Variants in SPATA7 observed in about 807,000 individuals in gnomAD.
SPATA7 encodes spermatogenesis-associated protein 7.
A neutral mutation model predicts 51.8 loss-of-function variants in SPATA7; 43 were observed. The observed-to-expected ratio is 0.83, with a 90% confidence interval of 0.65 to 1.07. SPATA7 has a LOEUF of 1.07. SPATA7 is among the 50% of genes least tolerant of loss of function. The pLI, the probability that SPATA7 is intolerant of heterozygous loss-of-function variation, is 0.00. For missense variants in SPATA7, 683 were observed against 701.3 expected (o/e 0.97, Z 0.30); for synonymous variants, 230 against 252.8 (o/e 0.91, Z 0.86).
At chr14:88,449,250 T>G (rs146945858) in intron 3 of SPATA7, among the ~76,000 whole-genome samples, 64 of 152,292 alleles carry the variant, frequency 4.2e-4, no homozygotes, top group African/African-American at 1.5e-3. Flanking sequence ...TTCCAGAGGT[T>G]CAGATATTTT....
downstream of SPATA7, among the ~76,000 whole-genome samples, chr14:88,455,756 T>G (rs1190287707): frequency 1.3e-5 from 2 of 152,188 alleles, no homozygotes; most frequent in Non-Finnish European, 2.9e-5. Context: ...CTTTAAGTTT[T>G]AGGGTACATG....
At chr14:88,434,472 G>C (rs2077022711) in intron 10 of SPATA7, among the ~76,000 whole-genome samples, 1 of 152,082 alleles carries the variant, frequency 6.6e-6, no homozygotes, top group Non-Finnish European at 1.5e-5. Flanking sequence ...GGATCACAAG[G>C]TCAGGAGTTC....
At chr14:88,462,516 G>A (rs915766285) in intron 4 of SPATA7, among the ~76,000 whole-genome samples, 7 of 152,302 alleles carry the variant, frequency 4.6e-5, no homozygotes, top group South Asian at 2.1e-4. Context: ...AGTTACACAC[G>A]CACACTTAAA....
At chr14:88,385,997 A>G in intron 1 of SPATA7, 160 bp downstream of exon 1, 2 of 1,495,384 alleles carry the variant, frequency 1.3e-6, no homozygotes, top group Non-Finnish European at 1.8e-6. Flanking sequence ...GGCCTGCGCA[A>G]AGGAAGAGGG....
intron 5 of SPATA7, among the ~76,000 whole-genome samples, chr14:88,424,145 T>C (rs1413115248): frequency 6.6e-6 from 1 of 152,334 alleles, no homozygotes; most frequent in East Asian, 1.9e-4. Context: ...TGAACCCTTT[T>C]CTGATTTCAG....
intron 3 of SPATA7, chr14:88,393,709 G>C (rs73319901): frequency 2.6e-6 from 1 of 377,920 alleles, no homozygotes; most frequent in East Asian, 4.7e-5. Context: ...ATTTTATTTC[G>C]TTTTTTATCT....
At chr14:88,401,128 A>G (rs1047139110) in intron 4 of SPATA7, among the ~76,000 whole-genome samples, 1 of 152,236 alleles carries the variant, frequency 6.6e-6, no homozygotes, top group African/African-American at 2.4e-5. Context: ...ATTCAATTGC[A>G]TGTTAAAAGA....
downstream of SPATA7, among the ~76,000 whole-genome samples, chr14:88,457,826 C>T (rs2077294159): frequency 6.6e-6 from 1 of 152,118 alleles, no homozygotes; most frequent in South Asian, 2.1e-4. Context: ...GGAATGCTTC[C>T]AGGTTTTGCC....
At chr14:88,451,001 C>A (rs374485215) in intron 3 of SPATA7, among the ~76,000 whole-genome samples, 21 of 152,204 alleles carry the variant, frequency 1.4e-4, no homozygotes, top group African/African-American at 4.8e-4. Context: ...TTAAAAAATT[C>A]TTTCTTCTTT....
chr14:88,403,579 C>T (rs1017262086), intron 4 of SPATA7, among the ~76,000 whole-genome samples: 1 of 152,180 alleles, frequency 6.6e-6, no homozygotes, highest in Non-Finnish European at 1.5e-5. Flanking sequence ...TCATTTCTGT[C>T]ATTTGTGACA....
rs1279551695 is a variant in SPATA7, at chr14:88,438,145, A to T, written c.1523A>T (p.Gln508Leu). ...CATTCAGAAGGGGTTATAATTCAAC[A>T]GGTGAATGATGAAACAAATCTTGAA... ...SKHSEGVIIQ[Q>L]VNDETNLETS... Residue 508 changes from glutamine (Q) to leucine (L), a missense_variant, in exon 12 of 12, where the codon CAG becomes CTG. Coordinates refer to ENST00000393545, the MANE Select transcript of SPATA7 (RefSeq NM_018418.5). 1 of 1,613,654 alleles carries T rather than the reference A, an allele frequency of 6.2e-7. No homozygotes were observed. The highest frequency in any genetic ancestry group is 1.1e-5 in the South Asian group (1 of 90,974).
chr14:88,414,574 A>G (rs2076424725), intron 4 of SPATA7: 2 of 281,566 alleles, frequency 7.1e-6, no homozygotes, highest in Non-Finnish European at 1.4e-5. Context: ...CTTTTAGATA[A>G]TTATTTTCTA....
rs1417877692 is a variant in SPATA7, at chr14:88,385,705, G to A, written c.-114G>A. ...GCCTGGCAACGGTTTCCCTGCTGCTGCAGCCCCCGTCGGCTCCTCTTTTCC... is the reference window on the plus strand; with the variant it reads ...GCCTGGCAACGGTTTCCCTGCTGCTACAGCCCCCGTCGGCTCCTCTTTTCC... On this transcript the variant is annotated 5_prime_UTR_variant, in exon 1 of 12. Transcript: ENST00000393545. The A allele has an allele frequency of 2.9e-6, 3 of 1,034,984 alleles. No homozygotes were observed. The highest frequency in any genetic ancestry group is 2.6e-5 in the East Asian group (1 of 39,058). 64.1% of individuals were successfully genotyped at this position (1,034,984 alleles called of 1,614,324 possible).
chr14:88,470,146 A>G, exon 5 of SPATA7: 1 of 1,092,224 alleles, frequency 9.2e-7, no homozygotes, highest in Admixed American at 2.5e-5. Flanking sequence ...AGTTTTTTTA[A>G]AAAAGTAAAA....
chr14:88,390,511 G>A (rs1277606179), intron 1 of SPATA7, among the ~76,000 whole-genome samples: 1 of 152,140 alleles, frequency 6.6e-6, no homozygotes, highest in Non-Finnish European at 1.5e-5. Context: ...AATAGTTCCT[G>A]TCAAAGGCCC....
chr14:88,431,373 G>A (rs951131380), intron 9 of SPATA7, 148 bp downstream of exon 9: 25 of 764,674 alleles, frequency 3.3e-5, no homozygotes, highest in Middle Eastern at 3.2e-4. Context: ...AGTACCTAGT[G>A]ATATTTTGAT....
downstream of SPATA7, chr14:88,438,463 T>C (rs1566791753): frequency 7.1e-7 from 1 of 1,410,064 alleles, no homozygotes; most frequent in South Asian, 1.2e-5. Flanking sequence ...TAACTCAATA[T>C]TACTTTTCTT....
chr14:88,398,444 A>C (rs1433980146), intron 4 of SPATA7, among the ~76,000 whole-genome samples: 2 of 135,050 alleles, frequency 1.5e-5, no homozygotes, highest in Non-Finnish European at 3.1e-5. Context: ...TCACATGGAC[A>C]CAGGAAGGGG....
intron 7 of SPATA7, chr14:88,429,145 C>T (rs1289520833): frequency 8.3e-6 from 3 of 359,302 alleles, no homozygotes; most frequent in African/African-American, 6.3e-5. Flanking sequence ...CATTAAAATA[C>T]AAGAAATAAG....
Sources: gnomAD v4.1 joint callset for allele counts (sites outside exome capture counted in the v4.1 genomes callset) on GRCh38, gnomAD v4.1.1 for gene constraint, MANE v1.5 for transcripts, NCBI Gene and HGNC (gene_info 2026-07-23, HGNC 2026-07-21) for gene names.